Variants in PRMT3 observed in about 807,000 individuals in gnomAD.
PRMT3 encodes the protein protein arginine N-methyltransferase 3.
PRMT3 carries 62 observed loss-of-function variants against 71.9 expected under a neutral mutation model. The observed-to-expected ratio is 0.86, with a 90% CI of 0.70 to 1.07. The LOEUF is 1.07. Among genes scored for constraint, PRMT3 ranks in the 50% least tolerant of loss-of-function variants. PRMT3 has a pLI of 0.00. For synonymous variants in PRMT3, 213 were observed against 220.4 expected, an observed-to-expected ratio of 0.97 and a Z score of 0.30; for missense variants, 663 against 643.0, an observed-to-expected ratio of 1.03 and a Z score of -0.34.
chr11:20,400,081 A>C (rs1454183801), intron 7 of PRMT3, among the ~76,000 whole-genome samples: 1 of 152,212 alleles, frequency 6.6e-6, no homozygotes, highest in Admixed American at 6.5e-5. Flanking sequence ...CTTATATCAC[A>C]GCTTTATTTC....
At chr11:20,485,833 A>G (rs1033656872) in intron 13 of PRMT3, among the ~76,000 whole-genome samples, 4 of 152,228 alleles carry the variant, frequency 2.6e-5, no homozygotes, top group African/African-American at 9.6e-5. Context: ...AAGTCAACAT[A>G]ACCTAAATAG....
chr11:20,447,073 G>T (rs961872071), intron 10 of PRMT3, among the ~76,000 whole-genome samples: 1 of 152,084 alleles, frequency 6.6e-6, no homozygotes, highest in Non-Finnish European at 1.5e-5. Flanking sequence ...AAAAAACTTT[G>T]CAGTAAAAGT....
At chr11:20,451,712 T>C (rs987038360) in intron 10 of PRMT3, among the ~76,000 whole-genome samples, 2 of 151,950 alleles carry the variant, frequency 1.3e-5, no homozygotes, top group Non-Finnish European at 2.9e-5. Flanking sequence ...CCACCCCCAG[T>C]TGCAACAATC....
At chr11:20,425,540 A>G (rs1202560712) in intron 9 of PRMT3, among the ~76,000 whole-genome samples, 1 of 152,238 alleles carries the variant, frequency 6.6e-6, no homozygotes, top group Non-Finnish European at 1.5e-5. Flanking sequence ...TGATTTATCC[A>G]TGTGGTGGAA....
chr11:20,401,565 T>C (rs1179283484), intron 7 of PRMT3, among the ~76,000 whole-genome samples: 1 of 152,140 alleles, frequency 6.6e-6, no homozygotes, highest in Non-Finnish European at 1.5e-5. Context: ...TCAGTTGGCA[T>C]AAAAATGTAT....
intron 3 of PRMT3, among the ~76,000 whole-genome samples, chr11:20,391,904 A>G (rs966866079): frequency 9.1e-5 from 2 of 21,954 alleles, no homozygotes; most frequent in African/African-American, 5.3e-4. Context: ...AATACTTGGT[A>G]AAATGTGGAT....
At chr11:20,463,446 G>A (rs1850433883) in intron 12 of PRMT3, among the ~76,000 whole-genome samples, 1 of 152,114 alleles carries the variant, frequency 6.6e-6, no homozygotes, top group Non-Finnish European at 1.5e-5. Context: ...AGCAGAAAGA[G>A]GAGAGTTGGT....
At chr11:20,486,771 A>G (rs764607656) in intron 13 of PRMT3, among the ~76,000 whole-genome samples, 8 of 152,166 alleles carry the variant, frequency 5.3e-5, no homozygotes, top group Non-Finnish European at 4.4e-5. Flanking sequence ...AAGCTGGACA[A>G]CTTGGCTGGG....
intron 13 of PRMT3, among the ~76,000 whole-genome samples, chr11:20,479,769 C>T (rs1258270108): frequency 6.6e-6 from 1 of 151,924 alleles, no homozygotes; most frequent in Admixed American, 6.6e-5. Flanking sequence ...TCTCAGCCAC[C>T]TGCTATAGTT....
In PRMT3 at chr11:20,508,564, A is replaced by C. The variant is rs748435776; in HGVS notation, c.*151A>C. 2 of 707,112 alleles carry C rather than the reference A, an allele frequency of 2.8e-6. No individual in the cohort carries two copies. The highest frequency in any genetic ancestry group is 5.2e-6 in the Non-Finnish European group (2 of 384,330). 43.8% of individuals were successfully genotyped at this position (707,112 alleles called of 1,614,324 possible). ...TAAGAGAGAAGTTCTCATTGTGGGA[A>C]TCTGACATAGTTCAGCTGAGGAAGA... On this transcript the variant is annotated 3_prime_UTR_variant, in exon 16 of 16. Transcript: ENST00000331079.
At chr11:20,438,031 C>G (rs1481099957) in intron 10 of PRMT3, among the ~76,000 whole-genome samples, 1 of 152,168 alleles carries the variant, frequency 6.6e-6, no homozygotes, top group African/African-American at 2.4e-5. Flanking sequence ...GTGCTTGGAG[C>G]AGCAGTGGGG....
rs1277026360 is a variant in PRMT3 at position 20,503,794 on chromosome 11, G to C, written c.1487-4510G>C. ...GAATAAAGTTGCTATGAATATTCAT[G>C]TAAAAGTCTTGGTGCAGACAGATGT... On this transcript the variant is annotated intron_variant, in intron 15 of 15. Coordinates refer to ENST00000331079, the MANE Select transcript of PRMT3 (RefSeq NM_005788.4). Among the ~76,000 whole-genome samples, 5 of 152,156 alleles carry C rather than the reference G, an allele frequency of 3.3e-5. 1 individual carries two copies. The highest frequency in any genetic ancestry group is 3.3e-4 in the Admixed American group (5 of 15,270).
chr11:20,388,203 T>C, intron 2 of PRMT3, 49 bp downstream of exon 2: 1 of 1,608,870 alleles, frequency 6.2e-7, no homozygotes, highest in Non-Finnish European at 8.5e-7. Context: ...CCCGGGCGCG[T>C]GGGGTCTGTG....
chr11:20,388,192 G>A (rs778445275), intron 2 of PRMT3, 38 bp downstream of exon 2: 3 of 1,610,346 alleles, frequency 1.9e-6, no homozygotes, highest in East Asian at 4.5e-5. Flanking sequence ...GCCCTAGGGT[G>A]CCCGGGCGCG....
At chr11:20,419,464 C>CT (rs776626003) in intron 9 of PRMT3, among the ~76,000 whole-genome samples, 1 of 152,210 alleles carries the variant, frequency 6.6e-6, no homozygotes, top group Non-Finnish European at 1.5e-5. Context: ...TTTTCACCCT[C>CT]TTTGTCATAT....
rs541339799 is a variant in PRMT3 at position 20,416,604 on chromosome 11, G to A, written c.893+8572G>A. Reference sequence around the variant, plus strand: ...AGCCAGGTAAATCATTGTCACCAAAGCCTGCAAACCCATTGTTTCTGATAG... The same window carrying A: ...AGCCAGGTAAATCATTGTCACCAAAACCTGCAAACCCATTGTTTCTGATAG... On this transcript the variant is annotated intron_variant, in intron 9 of 15. Transcript: ENST00000331079. 2.1e-4 allele frequency among the ~76,000 whole-genome samples: 32 copies of A among 152,242 alleles called. No homozygotes were observed. In the South Asian group the frequency reaches 6.6e-3, roughly 32 times the overall value.
At chr11:20,432,461 T>G (rs1849674161) in intron 10 of PRMT3, among the ~76,000 whole-genome samples, 1 of 152,122 alleles carries the variant, frequency 6.6e-6, no homozygotes, top group Non-Finnish European at 1.5e-5. Flanking sequence ...ATTCAACTCT[T>G]AATAGACACT....
chr11:20,388,317 G>A (rs1848642882), intron 2 of PRMT3, among the ~76,000 whole-genome samples, 163 bp downstream of exon 2: 1 of 152,196 alleles, frequency 6.6e-6, no homozygotes, highest in Admixed American at 6.5e-5. Context: ...AGGACCCTCG[G>A]TAGTAGAGAG....
intron 15 of PRMT3, among the ~76,000 whole-genome samples, chr11:20,505,049 G>A (rs1280625636): frequency 6.6e-6 from 1 of 152,116 alleles, no homozygotes; most frequent in Non-Finnish European, 1.5e-5. Context: ...CTTTTTTGAA[G>A]CTGTTGTTTG....
Sources: gnomAD v4.1 joint callset for allele counts (sites outside exome capture counted in the v4.1 genomes callset) on GRCh38, gnomAD v4.1.1 for gene constraint, MANE v1.5 for transcripts, NCBI Gene and HGNC (gene_info 2026-07-23, HGNC 2026-07-21) for gene names.